Variants in GSTCD observed in about 807,000 individuals in gnomAD.
The protein encoded by GSTCD is glutathione S-transferase C-terminal domain-containing protein.
A neutral mutation model predicts 68.3 loss-of-function variants in GSTCD; 44 were observed. The ratio of observed to expected loss-of-function variants is 0.64; its 90% CI spans 0.51 to 0.83. The LOEUF is 0.83. Among genes scored for constraint, GSTCD ranks in the 40% least tolerant of loss-of-function variants. The probability of loss-of-function intolerance (pLI) is 0.00; values close to 1 mark genes in which losing one functional copy is unlikely to be tolerated. For missense variants in GSTCD, 739 were observed against 735.9 expected, an observed-to-expected ratio of 1.00 and a Z score of -0.05; for synonymous variants, 273 against 255.2, an observed-to-expected ratio of 1.07 and a Z score of -0.67.
intron 5 of GSTCD, among the ~76,000 whole-genome samples, chr4:105,766,436 A>G (rs1010470773): frequency 6.6e-6 from 1 of 152,222 alleles, no homozygotes; most frequent in Admixed American, 6.5e-5. Flanking sequence ...AGACCAGGGG[A>G]AACAGAAAAA....
intron 7 of GSTCD, 113 bp from the exon 8 acceptor site, chr4:105,825,559 G>C (rs1024484756): frequency 8.4e-6 from 5 of 592,986 alleles, no homozygotes; most frequent in Admixed American, 2.8e-5. Context: ...ACAGAATAGA[G>C]GCTCAATATA....
chr4:105,780,856 C>T (rs2149249308), intron 5 of GSTCD, among the ~76,000 whole-genome samples: 3 of 152,154 alleles, frequency 2.0e-5, no homozygotes, highest in Middle Eastern at 6.8e-3. Context: ...TATTTTCCTC[C>T]TGCTTTATTT....
intron 5 of GSTCD, among the ~76,000 whole-genome samples, chr4:105,797,185 G>T (rs1057264828): frequency 1.8e-4 from 28 of 151,766 alleles, no homozygotes; most frequent in Middle Eastern, 3.2e-3. Flanking sequence ...TAGGTAGTTA[G>T]TTAATTTCTT....
At chr4:105,792,863 G>T (rs1735729279) in intron 5 of GSTCD, among the ~76,000 whole-genome samples, 1 of 152,018 alleles carries the variant, frequency 6.6e-6, no homozygotes, top group Non-Finnish European at 1.5e-5. Flanking sequence ...TAGTTATAAT[G>T]AAGCTTAGTC....
At chr4:105,799,443 A>G (rs1032644696) in intron 5 of GSTCD, among the ~76,000 whole-genome samples, 4 of 152,184 alleles carry the variant, frequency 2.6e-5, no homozygotes, top group Non-Finnish European at 5.9e-5. Context: ...AGTGAGAGAC[A>G]TGTGACTGTT....
rs911794408 is a variant in GSTCD at position 105,806,836 on chromosome 4, G to A, written c.1241-16118G>A. On this transcript the variant is annotated intron_variant, in intron 5 of 11. Transcript: ENST00000515279. The stretch of plus-strand genomic sequence containing the variant: ...TATGTCCATACGCTATAGGCCCTCC[G>A]ATCCTATTCCCATTTAAGCCCATGT... Among the ~76,000 whole-genome samples, 10 of 152,022 alleles carry A rather than the reference G, an allele frequency of 6.6e-5. No homozygotes were observed. In the South Asian group the frequency reaches 1.7e-3, roughly 25 times the overall value.
intron 8 of GSTCD, among the ~76,000 whole-genome samples, chr4:105,831,409 G>A (rs1489057398): frequency 6.6e-6 from 1 of 152,092 alleles, no homozygotes; most frequent in Non-Finnish European, 1.5e-5. Flanking sequence ...GTGACTCTCT[G>A]TTTACTTCCA....
chr4:105,832,269 CTA>C (rs1723929005), intron 8 of GSTCD, among the ~76,000 whole-genome samples: 1 of 151,066 alleles, frequency 6.6e-6, no homozygotes, highest in East Asian at 1.9e-4. Context: ...TTTTTTTGGT[CTA>C]TATCTCTCAT....
intron 5 of GSTCD, among the ~76,000 whole-genome samples, chr4:105,753,951 C>T (rs1734093708): frequency 6.6e-6 from 1 of 151,506 alleles, no homozygotes; most frequent in Non-Finnish European, 1.5e-5. Flanking sequence ...CTCGACGTTG[C>T]TAAACTTTCA....
chr4:105,809,563 A>G (rs1212637383), intron 5 of GSTCD, among the ~76,000 whole-genome samples: 1 of 151,990 alleles, frequency 6.6e-6, no homozygotes, highest in Admixed American at 6.6e-5. Flanking sequence ...CCCCTAATAT[A>G]GTATATTTAT....
At chr4:105,820,054 T>G (rs1315696143) in intron 5 of GSTCD, among the ~76,000 whole-genome samples, 2 of 151,782 alleles carry the variant, frequency 1.3e-5, no homozygotes, top group Admixed American at 6.6e-5. Context: ...AACAAAAAAT[T>G]AAGAGCTGCC....
At chr4:105,833,684 CTAT>C (rs944157271) in intron 8 of GSTCD, among the ~76,000 whole-genome samples, 18 of 152,136 alleles carry the variant, frequency 1.2e-4, no homozygotes, top group African/African-American at 4.3e-4. Context: ...ACTGAGAGTC[CTAT>C]TTAGGCTTTA....
intron 5 of GSTCD, among the ~76,000 whole-genome samples, chr4:105,799,026 C>G (rs1312865016): frequency 6.6e-6 from 1 of 152,198 alleles, no homozygotes; most frequent in African/African-American, 2.4e-5. Context: ...CTTGCTGCAT[C>G]TTCTACTTCA....
In GSTCD at chr4:105,713,714, A is replaced by G. The variant is rs569811297; in HGVS notation, c.-21-3879A>G. Among the ~76,000 whole-genome samples, 3 of 152,242 alleles carry G rather than the reference A, an allele frequency of 2.0e-5. No individual in the cohort carries two copies. The South Asian group carries it at 6.2e-4, about 32-fold the overall frequency. On this transcript the variant is annotated intron_variant, in intron 1 of 11. Transcript: ENST00000515279. The stretch of plus-strand genomic sequence containing the variant: ...ATATTTAAAACTTTATTTACCTAAC[A>G]TTTGTTGAGCTCCTATCAAATTGTA...
At chr4:105,839,597 T>G (rs1232898336) in intron 10 of GSTCD, among the ~76,000 whole-genome samples, 1 of 151,980 alleles carries the variant, frequency 6.6e-6, no homozygotes, top group Non-Finnish European at 1.5e-5. Context: ...ATTGTGCCAT[T>G]GCATTCCCAT....
At chr4:105,726,461 A>G in intron 3 of GSTCD, 118 bp from the exon 4 acceptor site, 1 of 655,894 alleles carries the variant, frequency 1.5e-6, no homozygotes, top group Non-Finnish European at 2.5e-6. Flanking sequence ...ATTTACTACA[A>G]CTCATTGTTT....
Position 105,825,661 on chromosome 4 carries a change from GTA to G in GSTCD, c.1402-10_1402-9del. 7.1e-7 allele frequency: 1 copy of G among 1,414,156 alleles called. No individual in the cohort carries two copies. Among genetic ancestry groups the G allele is most frequent in the African/African-American group, 1.4e-5 (1 of 70,710 alleles). The allele number at this position is 1,414,156 out of a possible 1,614,324, so 87.6% of individuals were successfully genotyped here. ...TACTAAATATACTATTGTTTTCTGGGTAAAATCTAGGTTACATTAATAGAAAA... is the reference window on the plus strand; with the variant it reads ...TACTAAATATACTATTGTTTTCTGGGAAATCTAGGTTACATTAATAGAAAA... On this transcript the variant is annotated splice_polypyrimidine_tract_variant and intron_variant, in intron 7 of 11. Transcript: ENST00000515279.
intron 5 of GSTCD, among the ~76,000 whole-genome samples, chr4:105,747,027 T>C (rs958201487): frequency 6.6e-6 from 1 of 152,216 alleles, no homozygotes; most frequent in Non-Finnish European, 1.5e-5. Flanking sequence ...AAGAGGCAGA[T>C]ACAAGGTGAA....
At chr4:105,835,693 G>A (rs1375987060) in intron 9 of GSTCD, among the ~76,000 whole-genome samples, 2 of 152,084 alleles carry the variant, frequency 1.3e-5, no homozygotes, top group African/African-American at 2.4e-5. Flanking sequence ...TTGGGGGCAG[G>A]GGGGCATGTG....
Sources: allele counts gnomAD v4.1 joint callset (sites outside exome capture counted in the v4.1 genomes callset), GRCh38; gene constraint gnomAD v4.1.1; transcripts MANE v1.5; gene names NCBI Gene and HGNC (gene_info 2026-07-23, HGNC 2026-07-21).